The following IARS2 variants were observed in gnomAD, a reference collection of about 807,000 sequenced individuals.
IARS2 encodes isoleucine--tRNA ligase, mitochondrial.
Under a neutral mutation model 126.3 loss-of-function variants are expected in IARS2, and 56 were observed. That is an observed-to-expected ratio of 0.44 (90% CI 0.36 to 0.55). IARS2 has a LOEUF of 0.55. IARS2 is among the 20% of genes least tolerant of loss of function. IARS2 has a pLI of 0.00. For missense variants in IARS2, 1,127 were observed against 1,245.9 expected (o/e 0.90, Z 1.44); for synonymous variants, 407 against 441.1 (o/e 0.92, Z 0.97).
intron 16 of IARS2, 116 bp downstream of exon 16, chr1:220,137,027 A>G: frequency 1.7e-6 from 1 of 595,158 alleles, no homozygotes; most frequent in Non-Finnish European, 2.9e-6. Context: ...TATACTCTCA[A>G]ATAACACATG....
chr1:220,094,592 G>A, intron 1 of IARS2, 109 bp downstream of exon 1: 1 of 933,624 alleles, frequency 1.1e-6, no homozygotes. Flanking sequence ...GCGGGTGGGC[G>A]GGGGTGTGAC....
chr1:220,134,035 A>G (rs1407588990), intron 14 of IARS2, among the ~76,000 whole-genome samples: 1 of 151,772 alleles, frequency 6.6e-6, no homozygotes, highest in Non-Finnish European at 1.5e-5. Context: ...GTCTTTCATG[A>G]CATTTCATGA....
chr1:220,102,437 A>G (rs1656597863), intron 5 of IARS2, 25 bp downstream of exon 5: 1 of 1,612,302 alleles, frequency 6.2e-7, no homozygotes, highest in African/African-American at 1.3e-5. Context: ...TTCGGTAATT[A>G]AAAGGGAGAA....
intron 8 of IARS2, among the ~76,000 whole-genome samples, chr1:220,104,385 G>T (rs758685489): frequency 6.6e-6 from 1 of 152,176 alleles, no homozygotes; most frequent in East Asian, 1.9e-4. Context: ...TGTTGTTGTT[G>T]TTCTTCATTT....
At chr1:220,132,395 A>G in intron 14 of IARS2, among the ~76,000 whole-genome samples, 1 of 151,890 alleles carries the variant, frequency 6.6e-6, no homozygotes, top group Non-Finnish European at 1.5e-5. Context: ...TAATCTTGGT[A>G]GGTTGTATGT....
intron 13 of IARS2, 146 bp downstream of exon 13, chr1:220,125,485 T>C: frequency 1.7e-6 from 1 of 595,780 alleles, no homozygotes; most frequent in East Asian, 2.8e-5. Context: ...AGTGTGAAAG[T>C]AGACATTTTG....
chr1:220,136,657 G>C, intron 15 of IARS2, 152 bp from the exon 16 acceptor site: 2 of 396,044 alleles, frequency 5.0e-6, no homozygotes, highest in East Asian at 8.6e-5. Context: ...AAAAAAAAGA[G>C]AAGAAAAGAA....
At chr1:220,097,113 T>G (rs1571842144) in intron 2 of IARS2, among the ~76,000 whole-genome samples, 1 of 152,090 alleles carries the variant, frequency 6.6e-6, no homozygotes, top group African/African-American at 2.4e-5. Flanking sequence ...CAAACCCTTT[T>G]GCAAGGAATG....
chr1:220,099,583 A>G (rs537562324), intron 2 of IARS2, among the ~76,000 whole-genome samples: 4 of 152,236 alleles, frequency 2.6e-5, no homozygotes, highest in Non-Finnish European at 5.9e-5. Flanking sequence ...TTTATAGACT[A>G]GTGCCAGAAA....
At chr1:220,115,917 T>C (rs1231213133) in intron 12 of IARS2, among the ~76,000 whole-genome samples, 1 of 152,142 alleles carries the variant, frequency 6.6e-6, no homozygotes, top group Non-Finnish European at 1.5e-5. Context: ...GCTATTCATG[T>C]ATTCACTTAA....
chr1:220,114,176 T>G (rs992313200), intron 11 of IARS2, 138 bp from the exon 12 acceptor site: 5 of 682,320 alleles, frequency 7.3e-6, no homozygotes, highest in Non-Finnish European at 1.0e-5. Context: ...TCTTTAGTTG[T>G]TTTTTTGAGG....
intron 12 of IARS2, among the ~76,000 whole-genome samples, chr1:220,119,167 G>A (rs1043240557): frequency 6.6e-6 from 1 of 152,076 alleles, no homozygotes; most frequent in Non-Finnish European, 1.5e-5. Context: ...GGTTGATATC[G>A]AAGTTCAGAA....
intron 1 of IARS2, among the ~76,000 whole-genome samples, chr1:220,095,101 C>T (rs1372249626): frequency 2.6e-5 from 4 of 152,186 alleles, no homozygotes; most frequent in Non-Finnish European, 5.9e-5. Flanking sequence ...TGCAATGGCG[C>T]GATCTCAGCT....
At chr1:220,097,889 C>CTTTTTTTTTTTTTTTTTTTTTTTTT in intron 2 of IARS2, among the ~76,000 whole-genome samples, 1 of 151,460 alleles carries the variant, frequency 6.6e-6, no homozygotes, top group African/African-American at 2.4e-5. Flanking sequence ...TGTTGTTGTT[C>CTTTTTTTTTTTTTTTTTTTTTTTTT]TTTGAGACAG....
rs914806845 is a variant in IARS2 at position 220,111,919 on chromosome 1, C to T, written c.1479+982C>T. On this transcript the variant is annotated intron_variant, in intron 11 of 22. Transcript: ENST00000366922. Reference sequence around the variant, plus strand: ...TTAAAATTTGTAAATTGCAGCTCTGCACCGATTTTTGGTTGTAGAACATCT... The same window carrying T: ...TTAAAATTTGTAAATTGCAGCTCTGTACCGATTTTTGGTTGTAGAACATCT... Among the ~76,000 whole-genome samples the T allele has an allele frequency of 2.6e-5, 4 of 152,080 alleles. No homozygotes were observed. The South Asian group carries it at 8.3e-4, about 31-fold the overall frequency.
At chr1:220,142,145 G>T (rs1657503101) in intron 20 of IARS2, among the ~76,000 whole-genome samples, 197 bp downstream of exon 20, 1 of 152,192 alleles carries the variant, frequency 6.6e-6, no homozygotes, top group African/African-American at 2.4e-5. Flanking sequence ...TGTGCTTTCT[G>T]AAATGTATTA....
chr1:220,096,520 C>G (rs752010447), intron 2 of IARS2, among the ~76,000 whole-genome samples: 5 of 152,108 alleles, frequency 3.3e-5, no homozygotes, highest in Non-Finnish European at 5.9e-5. Context: ...ATGTCTTGGC[C>G]GGGCAGTATG....
In IARS2 at chr1:220,110,794, A is replaced by G. The variant is rs1264054907; in HGVS notation, c.1336A>G (p.Met446Val). The G allele has an allele frequency of 3.1e-6, 5 of 1,597,024 alleles. No individual in the cohort carries two copies. The highest frequency in any genetic ancestry group is 1.7e-5 in the Admixed American group (1 of 57,264). The change falls in exon 11 of 23, where the codon ATG (methionine) becomes GTG (valine). Residue 446 changes from methionine (M) to valine (V), a missense_variant. Met to Val is a conservative substitution (Grantham distance 21, BLOSUM62 1). Transcript: ENST00000366922. Reference protein sequence around the residue: ...LEEGTDVVIKMLQTAKNLLKE... With the variant: ...LEEGTDVVIKVLQTAKNLLKE... ...TGTTTTTTTTTTTAAAGTTATAAAG[A>G]TGCTTCAGACTGCAAAGAATTTGTT...
At chr1:220,113,251 A>G (rs1656848043) in intron 11 of IARS2, among the ~76,000 whole-genome samples, 1 of 152,190 alleles carries the variant, frequency 6.6e-6, no homozygotes, top group Non-Finnish European at 1.5e-5. Flanking sequence ...TATCTATTCA[A>G]TATTCACATT....
Sources: gnomAD v4.1 joint callset for allele counts (sites outside exome capture counted in the v4.1 genomes callset) on GRCh38, gnomAD v4.1.1 for gene constraint, MANE v1.5 for transcripts, NCBI Gene and HGNC (gene_info 2026-07-23, HGNC 2026-07-21) for gene names.